The following SLCO3A1 variants were observed in gnomAD, a reference collection of about 807,000 sequenced individuals.
SLCO3A1 encodes solute carrier organic anion transporter family member 3A1.
In SLCO3A1, 27 loss-of-function variants were observed where a neutral mutation model predicts 63.1. The ratio of observed to expected loss-of-function variants is 0.43; its 90% confidence interval spans 0.32 to 0.59. SLCO3A1 has a LOEUF of 0.59. Among genes scored for constraint, SLCO3A1 ranks in the 20% least tolerant of loss-of-function variants. The pLI, the probability that SLCO3A1 is intolerant of heterozygous loss-of-function variation, is 0.09. For synonymous variants in SLCO3A1, 473 were observed against 409.9 expected (o/e 1.15, Z -1.86); for missense variants, 773 against 945.8 (o/e 0.82, Z 2.40).
At chr15:92,028,789 G>A (rs1294410269) in intron 2 of SLCO3A1, among the ~76,000 whole-genome samples, 1 of 152,176 alleles carries the variant, frequency 6.6e-6, no homozygotes, top group Non-Finnish European at 1.5e-5. Flanking sequence ...GCCAAGTGGA[G>A]AATGCCAGAA....
At chr15:91,996,267 T>G (rs1473744062) in intron 2 of SLCO3A1, among the ~76,000 whole-genome samples, 1 of 152,090 alleles carries the variant, frequency 6.6e-6, no homozygotes, top group African/African-American at 2.4e-5. Flanking sequence ...CCATAAGGTA[T>G]CTAAGGAAAA....
At chr15:91,937,970 T>A (rs112233388) in intron 2 of SLCO3A1, among the ~76,000 whole-genome samples, 69 of 152,284 alleles carry the variant, frequency 4.5e-4, no homozygotes, top group African/African-American at 1.7e-3. Flanking sequence ...ATCGGGCTGT[T>A]CTGAGGATGA....
At chr15:91,868,018 A>C (rs1897207209) in intron 1 of SLCO3A1, among the ~76,000 whole-genome samples, 2 of 152,046 alleles carry the variant, frequency 1.3e-5, no homozygotes, top group Admixed American at 1.3e-4. Context: ...GCCTGGCTCT[A>C]GTGCTAGCTT....
Position 92,022,823 on chromosome 15 carries a change from A to C in SLCO3A1, c.647-72058A>C, listed in dbSNP as rs144913112. ...CACCAGGGCTTCAAGAGTTGACAGG[A>C]GGCTTCCCAGGAAGAAGAAGGGCAG... On this transcript the variant is annotated intron_variant, in intron 2 of 9. Transcript: ENST00000318445. Among the ~76,000 whole-genome samples, 8 of 152,242 alleles carry C rather than the reference A, an allele frequency of 5.3e-5. No homozygotes were observed. In the South Asian group the frequency reaches 1.0e-3, roughly 20 times the overall value.
intron 4 of SLCO3A1, among the ~76,000 whole-genome samples, 171 bp from the exon 5 acceptor site, chr15:92,120,294 T>C (rs989121137): frequency 1.3e-5 from 2 of 152,174 alleles, no homozygotes; most frequent in Non-Finnish European, 2.9e-5. Flanking sequence ...TTCACAATCA[T>C]GGATGACTTA....
rs912632597 is a variant in SLCO3A1 at position 91,857,336 on chromosome 15, A to G, written c.180+3248A>G. The stretch of plus-strand genomic sequence containing the variant: ...ACCTGGGCCAACTGTGGATTCTGAA[A>G]TCTATTACGGTTACAAACATCTTAA... On this transcript the variant is annotated intron_variant, in intron 1 of 9. Transcript: ENST00000318445. 1.1e-4 allele frequency among the ~76,000 whole-genome samples: 17 copies of G among 152,180 alleles called. 1 individual carries two copies. Among genetic ancestry groups the G allele is most frequent in the African/African-American group, 3.6e-4 (15 of 41,450 alleles).
At position 92,152,116 on chromosome 15, in the gene SLCO3A1, C is replaced by T. The variant is rs560554279; in HGVS notation, c.1753+1102C>T. ...TTCCATTTTATCAGAAGAGTATCAG[C>T]TATTATCTTTGAGTAATAAGGTTAT... On this transcript the variant is annotated intron_variant, in intron 9 of 9. Coordinates refer to ENST00000318445, the MANE Select transcript of SLCO3A1 (RefSeq NM_013272.4). Among the ~76,000 whole-genome samples the T allele has an allele frequency of 2.0e-5, 3 of 152,262 alleles. No homozygotes were observed. The East Asian group carries it at 5.8e-4, about 29-fold the overall frequency.
At chr15:92,127,651 A>C (rs770431595) in intron 6 of SLCO3A1, among the ~76,000 whole-genome samples, 5 of 152,230 alleles carry the variant, frequency 3.3e-5, no homozygotes, top group African/African-American at 4.8e-5. Context: ...TTATAGAGCT[A>C]ATACACTCAC....
At chr15:92,161,757 A>T (rs62008657) in intron 9 of SLCO3A1, 1 of 94,490 alleles carries the variant, frequency 1.1e-5, no homozygotes, top group African/African-American at 4.3e-5. Flanking sequence ...TTTCCTCTGT[A>T]GAACACCACA....
intron 4 of SLCO3A1, among the ~76,000 whole-genome samples, chr15:92,113,208 G>T (rs566157069): frequency 6.6e-6 from 1 of 152,280 alleles, no homozygotes; most frequent in Non-Finnish European, 1.5e-5. Context: ...ACTCCAGAGG[G>T]ACGGAAATGA....
At chr15:92,105,604 A>G (rs901783376) in intron 4 of SLCO3A1, among the ~76,000 whole-genome samples, 1 of 152,202 alleles carries the variant, frequency 6.6e-6, no homozygotes, top group East Asian at 1.9e-4. Context: ...TGGCAGTCTC[A>G]GAAGCTGCTC....
intron 2 of SLCO3A1, among the ~76,000 whole-genome samples, chr15:92,070,365 G>A (rs1437262096): frequency 6.6e-6 from 1 of 152,172 alleles, no homozygotes; most frequent in Admixed American, 6.5e-5. Context: ...ACGGAGGGTC[G>A]GGTGCGGTGG....
exon 11 of SLCO3A1, chr15:92,171,894 A>G: frequency 3.3e-6 from 5 of 1,496,184 alleles, no homozygotes; most frequent in East Asian, 2.5e-5. Flanking sequence ...CCTGGAGAGA[A>G]CAGCCCACCA....
intron 1 of SLCO3A1, among the ~76,000 whole-genome samples, chr15:91,890,785 C>T (rs1897850172): frequency 6.6e-6 from 1 of 152,158 alleles, no homozygotes; most frequent in African/African-American, 2.4e-5. Context: ...CCAGCCAATC[C>T]AGGTTGACCC....
intron 8 of SLCO3A1, among the ~76,000 whole-genome samples, chr15:92,150,592 C>T (rs2048291958): frequency 6.6e-6 from 1 of 151,874 alleles, no homozygotes; most frequent in South Asian, 2.1e-4. Context: ...ATGTTTTCCC[C>T]CCCATACGTG....
intron 4 of SLCO3A1, 68 bp from the exon 5 acceptor site, chr15:92,120,397 G>T: frequency 6.6e-7 from 1 of 1,512,600 alleles, no homozygotes; most frequent in South Asian, 1.2e-5. Flanking sequence ...CTTAGGAGCA[G>T]GGAGCTATAA....
At chr15:92,081,975 C>G (rs1370100095) in intron 2 of SLCO3A1, among the ~76,000 whole-genome samples, 2 of 152,210 alleles carry the variant, frequency 1.3e-5, no homozygotes, top group African/African-American at 4.8e-5. Flanking sequence ...TATGCTCTGG[C>G]TCTGTCATGT....
chr15:92,163,309 C>T lies in SLCO3A1; in HGVS notation c.*174C>T, dbSNP rs2048463706. The T allele has an allele frequency of 1.6e-6, 2 of 1,276,328 alleles. No homozygotes were observed. The highest frequency in any genetic ancestry group is 2.0e-6 in the Non-Finnish European group (2 of 1,015,402). The allele number at this position is 1,276,328 out of a possible 1,614,324, so 79.1% of individuals were successfully genotyped here. ...CCTTTTTCTCAGCATCAGAGCCAGA[C>T]AGGATTCAGAATAAGGAGAGAATGA... On this transcript the variant is annotated 3_prime_UTR_variant, in exon 10 of 10. Coordinates refer to ENST00000318445, the MANE Select transcript of SLCO3A1 (RefSeq NM_013272.4).
At chr15:92,036,789 C>G (rs1274456161) in intron 2 of SLCO3A1, among the ~76,000 whole-genome samples, 1 of 152,038 alleles carries the variant, frequency 6.6e-6, no homozygotes, top group Non-Finnish European at 1.5e-5. Flanking sequence ...TGGGAAGCAC[C>G]CAAATCTCGT....
Sources: allele counts gnomAD v4.1 joint callset (sites outside exome capture counted in the v4.1 genomes callset), GRCh38; gene constraint gnomAD v4.1.1; transcripts MANE v1.5; gene names NCBI Gene and HGNC (gene_info 2026-07-23, HGNC 2026-07-21).